Variants in UNC79 observed in about 807,000 individuals in gnomAD.
UNC79 encodes the protein unc-79 subunit of NALCN channel complex, also known as protein unc-79 homolog.
Under a neutral mutation model 283.1 loss-of-function variants are expected in UNC79, and 37 were observed. The observed-to-expected ratio is 0.13, with a 90% CI of 0.10 to 0.17. The LOEUF is 0.17. Ranked by LOEUF, UNC79 falls within the 10% of genes least tolerant of loss-of-function variation. The pLI, the probability that UNC79 is intolerant of heterozygous loss-of-function variation, is 1.00. For missense variants in UNC79, 2,272 were observed against 3,211.1 expected (o/e 0.71, Z 7.07); for synonymous variants, 1,107 against 1,200.2 (o/e 0.92, Z 1.61).
chr14:93,580,517 C>T, intron 19 of UNC79, 141 bp downstream of exon 19: 1 of 861,940 alleles, frequency 1.2e-6, no homozygotes, highest in East Asian at 2.7e-5. Context: ...AAACTTTTCC[C>T]ATTGCTTCTG....
At chr14:93,340,238 C>T (rs577316495) in intron 1 of UNC79, among the ~76,000 whole-genome samples, 17 of 152,164 alleles carry the variant, frequency 1.1e-4, no homozygotes, top group East Asian at 5.8e-4. Context: ...GTCAGGAGAT[C>T]GAGACCATCC....
At chr14:93,689,317 GT>G (rs2074495184) in intron 44 of UNC79, 1 of 155,294 alleles carries the variant, frequency 6.4e-6, no homozygotes, top group African/African-American at 2.4e-5. Context: ...CTCAGAGTAG[GT>G]TTGAGCCCAC....
At chr14:93,413,242 G>A (rs1359493144) in intron 1 of UNC79, among the ~76,000 whole-genome samples, 1 of 140,304 alleles carries the variant, frequency 7.1e-6, no homozygotes, top group Non-Finnish European at 1.5e-5. Context: ...TGTTCTCATC[G>A]TTCAATTCCC....
chr14:93,365,632 C>T (rs1273653318), intron 1 of UNC79, among the ~76,000 whole-genome samples: 1 of 152,016 alleles, frequency 6.6e-6, no homozygotes, highest in Non-Finnish European at 1.5e-5. Context: ...ATGAAGAACT[C>T]AACATCTGCG....
chr14:93,632,827 A>G (rs1342559614), intron 31 of UNC79, among the ~76,000 whole-genome samples: 1 of 152,158 alleles, frequency 6.6e-6, no homozygotes, highest in Non-Finnish European at 1.5e-5. Flanking sequence ...CATGATCCCA[A>G]AGTCATGATT....
chr14:93,524,790 G>T (rs1440483655), intron 8 of UNC79, among the ~76,000 whole-genome samples: 1 of 152,176 alleles, frequency 6.6e-6, no homozygotes, highest in East Asian at 1.9e-4. Flanking sequence ...GTCTGGATTT[G>T]CAAGGTATAA....
Position 93,340,462 on chromosome 14 carries a change from AAAG to A in UNC79, c.-351+6943_-351+6945del, listed in dbSNP as rs543451907. ...GTCTCAAAAAAAAAAAAAAAAAAAA[AAAG>A]AAGGCCACCTATGACTGGCCTGGCC... On this transcript the variant is annotated intron_variant, in intron 1 of 49. Transcript: ENST00000256339. Among the ~76,000 whole-genome samples, 132 of 131,514 alleles carry A rather than the reference AAAG, an allele frequency of 1.0e-3. 1 individual carries two copies. The highest frequency in any genetic ancestry group is 8.9e-3 in the East Asian group (21 of 2,368). 86.3% of individuals were successfully genotyped at this position (131,514 alleles called of 152,430 possible). A position where few individuals can be genotyped will look rare whatever the true frequency, so the allele number is the denominator to read the frequency against.
intron 1 of UNC79, among the ~76,000 whole-genome samples, chr14:93,388,713 T>C (rs1221610163): frequency 6.6e-6 from 1 of 152,196 alleles, no homozygotes; most frequent in Non-Finnish European, 1.5e-5. Flanking sequence ...AGGAAGCAGT[T>C]TTTTCCTTTC....
At chr14:93,468,349 G>A (rs1485552251) in intron 2 of UNC79, among the ~76,000 whole-genome samples, 1 of 152,176 alleles carries the variant, frequency 6.6e-6, no homozygotes, top group Non-Finnish European at 1.5e-5. Flanking sequence ...AGAGATAGGA[G>A]GGCCCTATTT....
chr14:93,561,129 A>G (rs1043165401), intron 14 of UNC79, among the ~76,000 whole-genome samples: 1 of 152,202 alleles, frequency 6.6e-6, no homozygotes, highest in Admixed American at 6.5e-5. Context: ...CTTATCTGTA[A>G]TATGGAGCTG....
chr14:93,404,493 A>AAATATATATATATATATATAT, intron 1 of UNC79, among the ~76,000 whole-genome samples: 2 of 61,496 alleles, frequency 3.3e-5, no homozygotes, highest in African/African-American at 1.3e-4. Context: ...TTCTAAAAAA[A>AAATATATATATATATATATAT]ATATATATAT....
At chr14:93,515,090 T>C (rs2059994478) in intron 7 of UNC79, among the ~76,000 whole-genome samples, 1 of 152,216 alleles carries the variant, frequency 6.6e-6, no homozygotes, top group Non-Finnish European at 1.5e-5. Flanking sequence ...ACACTGAATC[T>C]GTTTCTGACA....
At chr14:93,627,537 A>G (rs1009013357) in intron 30 of UNC79, among the ~76,000 whole-genome samples, 11 of 152,192 alleles carry the variant, frequency 7.2e-5, no homozygotes, top group Admixed American at 2.6e-4. Context: ...AAGCCTGGAA[A>G]TATTCTGCCA....
intron 1 of UNC79, among the ~76,000 whole-genome samples, chr14:93,421,290 T>C (rs1249029084): frequency 6.6e-6 from 1 of 151,634 alleles, no homozygotes; most frequent in Non-Finnish European, 1.5e-5. Flanking sequence ...ACTGCAGAAA[T>C]TCAAAGGCTC....
intron 1 of UNC79, among the ~76,000 whole-genome samples, chr14:93,351,924 A>T (rs1182307665): frequency 6.6e-6 from 1 of 152,204 alleles, no homozygotes; most frequent in Non-Finnish European, 1.5e-5. Context: ...TCTTTATTCA[A>T]GGCCTACCGA....
chr14:93,542,329 C>A (rs1440522318), intron 13 of UNC79, 137 bp from the exon 14 acceptor site: 10 of 841,122 alleles, frequency 1.2e-5, no homozygotes, highest in Non-Finnish European at 1.8e-5. Context: ...TAAGCGATCC[C>A]CATTTTTAAA....
At chr14:93,476,906 G>C (rs1380306399) in intron 3 of UNC79, among the ~76,000 whole-genome samples, 1 of 152,150 alleles carries the variant, frequency 6.6e-6, no homozygotes, top group Non-Finnish European at 1.5e-5. Flanking sequence ...GCTATGCTAA[G>C]GACTTTACAT....
chr14:93,542,004 C>CAAAA (rs745650977), intron 13 of UNC79, among the ~76,000 whole-genome samples: 6 of 59,894 alleles, frequency 1.0e-4, no homozygotes, highest in South Asian at 6.0e-4. Flanking sequence ...GACTCCATCT[C>CAAAA]AAAAAAAAAA....
intron 1 of UNC79, among the ~76,000 whole-genome samples, chr14:93,462,832 A>G (rs2057008488): frequency 1.3e-5 from 2 of 152,074 alleles, no homozygotes; most frequent in African/African-American, 4.8e-5. Context: ...GGGAAGGGAG[A>G]CCTAAGAGTC....
Sources: allele counts gnomAD v4.1 joint callset (sites outside exome capture counted in the v4.1 genomes callset), GRCh38; gene constraint gnomAD v4.1.1; transcripts MANE v1.5; gene names NCBI Gene and HGNC (gene_info 2026-07-23, HGNC 2026-07-21).